FBXL17: variants seen among roughly 807,000 people sequenced by gnomAD.
FBXL17 encodes F-box and leucine rich repeat protein 17.
Under a neutral mutation model 66.2 loss-of-function variants are expected in FBXL17, and 22 were observed. The observed-to-expected ratio is 0.33, with a 90% CI of 0.24 to 0.47. FBXL17 has a LOEUF of 0.47. Ranked by LOEUF, FBXL17 falls within the 20% of genes least tolerant of loss-of-function variation. The pLI, the probability that FBXL17 is intolerant of heterozygous loss-of-function variation, is 1.00. For missense variants in FBXL17, 878 were observed against 948.2 expected (o/e 0.93, Z 0.97); for synonymous variants, 474 against 400.5 (o/e 1.18, Z -2.19).
At chr5:108,101,457 C>A (rs538715009) in intron 6 of FBXL17, among the ~76,000 whole-genome samples, 1 of 152,244 alleles carries the variant, frequency 6.6e-6, no homozygotes, top group African/African-American at 2.4e-5. Context: ...TAGTGCTGGG[C>A]CCAATCAAAG....
At chr5:108,091,205 G>T (rs72798153) in intron 6 of FBXL17, among the ~76,000 whole-genome samples, 6,344 of 152,274 alleles carry the variant, frequency 0.042, 198 homozygotes, top group African/African-American at 0.088. Flanking sequence ...CAAAGTGAAA[G>T]CTGAGGCTAA....
chr5:108,008,538 T>C (rs1754023920), intron 7 of FBXL17, among the ~76,000 whole-genome samples: 1 of 152,174 alleles, frequency 6.6e-6, no homozygotes, highest in African/African-American at 2.4e-5. Context: ...GCAGCTTAAA[T>C]CTTATTTATT....
chr5:108,063,435 A>G (rs947209932), intron 6 of FBXL17, among the ~76,000 whole-genome samples: 7 of 152,324 alleles, frequency 4.6e-5, no homozygotes, highest in African/African-American at 1.4e-4. Flanking sequence ...GTATAAGATC[A>G]TAACGATCCA....
chr5:108,345,530 T>C (rs1747214937), intron 4 of FBXL17, among the ~76,000 whole-genome samples: 1 of 150,590 alleles, frequency 6.6e-6, no homozygotes, highest in Non-Finnish European at 1.5e-5. Flanking sequence ...AATGTTCTAC[T>C]ATCTTACTAC....
At chr5:108,126,873 C>A (rs1159363556) in intron 6 of FBXL17, among the ~76,000 whole-genome samples, 1 of 151,452 alleles carries the variant, frequency 6.6e-6, no homozygotes, top group Non-Finnish European at 1.5e-5. Flanking sequence ...CATTGAGAGT[C>A]AAAAGAAAAT....
chr5:108,289,994 T>C (rs548769631), intron 4 of FBXL17, among the ~76,000 whole-genome samples: 2 of 152,266 alleles, frequency 1.3e-5, no homozygotes, highest in Admixed American at 6.5e-5. Flanking sequence ...TGCAGATTCA[T>C]AGGGAGAGAA....
intron 4 of FBXL17, among the ~76,000 whole-genome samples, chr5:108,334,056 T>C (rs1760260800): frequency 6.6e-6 from 1 of 152,176 alleles, no homozygotes; most frequent in African/African-American, 2.4e-5. Context: ...CTATTGGAAA[T>C]TGCTTATTAG....
At chr5:107,879,859 C>A (rs2112499149) in intron 8 of FBXL17, 1 of 985,392 alleles carries the variant, frequency 1.0e-6, no homozygotes, top group South Asian at 4.7e-5. Context: ...CACAGACTGC[C>A]CCCTGGGTTG....
chr5:108,313,009 A>C (rs1487191225), intron 4 of FBXL17, among the ~76,000 whole-genome samples: 1 of 152,126 alleles, frequency 6.6e-6, no homozygotes, highest in Admixed American at 6.6e-5. Flanking sequence ...AAGGGAAATA[A>C]TTTCACAAAT....
chr5:108,236,983 T>C (rs912326647), intron 4 of FBXL17, among the ~76,000 whole-genome samples: 9 of 152,266 alleles, frequency 5.9e-5, no homozygotes, highest in Admixed American at 5.9e-4. Context: ...TGGAATAGTT[T>C]GGTTGTCTGA....
At chr5:108,194,733 ATGTTTC>A (rs1474068069) in intron 5 of FBXL17, among the ~76,000 whole-genome samples, 2 of 152,162 alleles carry the variant, frequency 1.3e-5, no homozygotes, top group African/African-American at 4.8e-5. Flanking sequence ...ATTCATTTAA[ATGTTTC>A]CTGAGCACCT....
chr5:107,981,741 AT>A (rs1400397004), intron 7 of FBXL17, among the ~76,000 whole-genome samples: 1 of 152,208 alleles, frequency 6.6e-6, no homozygotes, highest in African/African-American at 2.4e-5. Context: ...TCTCCTTGAT[AT>A]TCTTGCCAGC....
intron 6 of FBXL17, among the ~76,000 whole-genome samples, chr5:108,157,513 G>A (rs933600755): frequency 6.6e-6 from 1 of 150,972 alleles, no homozygotes; most frequent in Admixed American, 6.6e-5. Context: ...CATGTTTGCT[G>A]TATTCTACGA....
intron 6 of FBXL17, among the ~76,000 whole-genome samples, chr5:108,182,412 C>T (rs754039544): frequency 5.9e-5 from 9 of 152,084 alleles, no homozygotes; most frequent in Non-Finnish European, 1.3e-4. Context: ...AGTAATATGG[C>T]ATGGCAAGAA....
intron 4 of FBXL17, among the ~76,000 whole-genome samples, chr5:108,271,359 G>A (rs958606702): frequency 1.3e-5 from 2 of 152,170 alleles, no homozygotes; most frequent in African/African-American, 2.4e-5. Context: ...ATTGTGATAA[G>A]AATGCTACAA....
chr5:108,117,632 T>G (rs1750315187), intron 6 of FBXL17, among the ~76,000 whole-genome samples: 1 of 152,064 alleles, frequency 6.6e-6, no homozygotes, highest in Non-Finnish European at 1.5e-5. Flanking sequence ...ATTTCTCTAA[T>G]CAAAAGATGA....
chr5:107,966,350 C>A (rs962528588), intron 7 of FBXL17, among the ~76,000 whole-genome samples: 1 of 152,140 alleles, frequency 6.6e-6, no homozygotes, highest in Admixed American at 6.6e-5. Context: ...CCTCTTGAGA[C>A]CCTGCAGTCT....
chr5:107,925,967 TA>T (rs1750511864), intron 7 of FBXL17, among the ~76,000 whole-genome samples: 1 of 152,192 alleles, frequency 6.6e-6, no homozygotes, highest in African/African-American at 2.4e-5. Flanking sequence ...TTTTTGCACA[TA>T]AATTGTGGCA....
At chr5:108,107,299 C>G (rs545896159) in intron 6 of FBXL17, among the ~76,000 whole-genome samples, 76 of 152,180 alleles carry the variant, frequency 5.0e-4, no homozygotes, top group Admixed American at 1.2e-3. Flanking sequence ...CTCGAACTCC[C>G]GACCTCAGGT....
Sources: allele counts gnomAD v4.1 joint callset (sites outside exome capture counted in the v4.1 genomes callset), GRCh38; gene constraint gnomAD v4.1.1; transcripts MANE v1.5; gene names NCBI Gene and HGNC (gene_info 2026-07-23, HGNC 2026-07-21).